Variants in PRDM5 observed in about 807,000 individuals in gnomAD.
PRDM5 encodes PR/SET domain 5.
A neutral mutation model predicts 81.2 loss-of-function variants in PRDM5; 56 were observed. That is an observed-to-expected ratio of 0.69 (90% CI 0.56 to 0.86). PRDM5 has a LOEUF of 0.86. Among genes scored for constraint, PRDM5 ranks in the 40% least tolerant of loss-of-function variants. The pLI is 0.00. For missense variants in PRDM5, 697 were observed against 770.1 expected (o/e 0.91, Z 1.12); for synonymous variants, 267 against 256.4 (o/e 1.04, Z -0.39).
At chr4:120,894,903 C>G (rs186539113) in intron 2 of PRDM5, among the ~76,000 whole-genome samples, 19 of 152,242 alleles carry the variant, frequency 1.2e-4, no homozygotes, top group Admixed American at 1.2e-3. Context: ...ACCAAAATAC[C>G]CACTTAAAGC....
intron 2 of PRDM5, among the ~76,000 whole-genome samples, chr4:120,869,197 C>G (rs1761527372): frequency 6.6e-6 from 1 of 152,074 alleles, no homozygotes; most frequent in Non-Finnish European, 1.5e-5. Flanking sequence ...CAAAGTACTT[C>G]TGAGTAGTCA....
chr4:120,822,555 G>C (rs570722849), intron 3 of PRDM5, among the ~76,000 whole-genome samples: 1 of 152,254 alleles, frequency 6.6e-6, no homozygotes, highest in East Asian at 1.9e-4. Flanking sequence ...ATAGATTTAT[G>C]TATATATGTA....
chr4:120,870,287 C>G (rs1579057527), intron 2 of PRDM5, among the ~76,000 whole-genome samples: 2 of 152,188 alleles, frequency 1.3e-5, no homozygotes, highest in Non-Finnish European at 2.9e-5. Context: ...ATATTTAAGT[C>G]TTCTATTACT....
intron 3 of PRDM5, among the ~76,000 whole-genome samples, chr4:120,826,803 T>C (rs988552574): frequency 6.6e-6 from 1 of 152,130 alleles, no homozygotes. Context: ...GCAGATGCCA[T>C]TTCCTGACAG....
In PRDM5 at chr4:120,838,944, T is replaced by A. The variant is rs527949222; in HGVS notation, c.300+14474A>T. The stretch of plus-strand genomic sequence containing the variant: ...CCAATGCACAGTCAGATATGCCGGC[T>A]GCTGCAGAAGGGTGGGCAGCTCCAG... On this transcript the variant is annotated intron_variant, in intron 3 of 15. Coordinates refer to ENST00000264808, the MANE Select transcript of PRDM5 (RefSeq NM_018699.4). 577 of 484,496 alleles carry A rather than the reference T, an allele frequency of 1.2e-3. 1 individual carries two copies. The highest frequency in any genetic ancestry group is 1.8e-3 in the Non-Finnish European group (472 of 266,938). 30.0% of individuals were successfully genotyped at this position (484,496 alleles called of 1,614,324 possible). A position where few individuals can be genotyped will look rare whatever the true frequency, so the allele number is the denominator to read the frequency against.
intron 10 of PRDM5, among the ~76,000 whole-genome samples, chr4:120,789,859 T>C (rs1381455810): frequency 6.6e-6 from 1 of 152,208 alleles, no homozygotes; most frequent in African/African-American, 2.4e-5. Flanking sequence ...GCATGAAATT[T>C]AGTTGATGTT....
At chr4:120,758,370 T>C (rs1745093010) in intron 13 of PRDM5, among the ~76,000 whole-genome samples, 1 of 152,166 alleles carries the variant, frequency 6.6e-6, no homozygotes, top group African/African-American at 2.4e-5. Flanking sequence ...ACCAAATTCG[T>C]ATGTTTAAAT....
intron 15 of PRDM5, among the ~76,000 whole-genome samples, chr4:120,705,710 G>A (rs983462278): frequency 3.9e-5 from 6 of 152,124 alleles, no homozygotes; most frequent in Non-Finnish European, 7.4e-5. Context: ...TTGAGCAAAT[G>A]AATACTATAT....
chr4:120,740,644 C>T (rs531827560), intron 14 of PRDM5, among the ~76,000 whole-genome samples: 1 of 152,280 alleles, frequency 6.6e-6, no homozygotes, highest in South Asian at 2.1e-4. Flanking sequence ...CATATATGTG[C>T]CTGACTCTCA....
intron 8 of PRDM5, among the ~76,000 whole-genome samples, chr4:120,800,015 C>T (rs1422393391): frequency 2.0e-5 from 3 of 152,134 alleles, no homozygotes; most frequent in Non-Finnish European, 4.4e-5. Flanking sequence ...TAAATTTATA[C>T]TCTGTAAAAA....
intron 2 of PRDM5, among the ~76,000 whole-genome samples, chr4:120,868,843 T>C (rs1264352650): frequency 6.6e-6 from 1 of 152,104 alleles, no homozygotes; most frequent in African/African-American, 2.4e-5. Flanking sequence ...AAATGAAGCC[T>C]ATAGATAAAA....
At chr4:120,900,073 G>A (rs188686666) in intron 2 of PRDM5, among the ~76,000 whole-genome samples, 2 of 152,250 alleles carry the variant, frequency 1.3e-5, no homozygotes, top group African/African-American at 2.4e-5. Context: ...TGCCCTCTCC[G>A]GGTGCACCAC....
At chr4:120,746,682 A>G (rs1369296543) in intron 14 of PRDM5, among the ~76,000 whole-genome samples, 1 of 148,288 alleles carries the variant, frequency 6.7e-6, no homozygotes, top group East Asian at 2.0e-4. Context: ...CACATGAAAA[A>G]ATGCTCATCA....
chr4:120,881,280 C>T (rs1762818975), intron 2 of PRDM5, among the ~76,000 whole-genome samples: 1 of 152,068 alleles, frequency 6.6e-6, no homozygotes, highest in Non-Finnish European at 1.5e-5. Context: ...ATGATAAATC[C>T]TTGTAAAACT....
intron 14 of PRDM5, among the ~76,000 whole-genome samples, chr4:120,713,636 TA>T (rs1348134227): frequency 6.6e-6 from 1 of 152,236 alleles, no homozygotes; most frequent in Non-Finnish European, 1.5e-5. Flanking sequence ...TTTGTATGTT[TA>T]AAACTAAAGT....
rs751789550 is a variant in PRDM5, at chr4:120,821,286, C to A, written c.360G>T (p.Leu120=). 4 of 1,613,952 alleles carry A rather than the reference C, an allele frequency of 2.5e-6. No homozygotes were observed. The African/African-American group carries it at 4.0e-5, about 16-fold the overall frequency. The change falls in exon 4 of 16, where the codon CTG becomes CTT. Residue 120 remains leucine (L), a synonymous_variant. Coordinates refer to ENST00000264808, the MANE Select transcript of PRDM5 (RefSeq NM_018699.4). ...VEDIETDTEL[L]IGYLDSDMEA... ...CCATGTCACTATCCAGGTAGCCAATCAGAAGCTCCGTGTCTGTTTCTATAT... is the reference window on the plus strand; with the variant it reads ...CCATGTCACTATCCAGGTAGCCAATAAGAAGCTCCGTGTCTGTTTCTATAT...
intron 15 of PRDM5, among the ~76,000 whole-genome samples, chr4:120,702,208 T>C (rs1288082597): frequency 6.6e-6 from 1 of 152,214 alleles, no homozygotes; most frequent in Non-Finnish European, 1.5e-5. Flanking sequence ...ACAGTTGAAA[T>C]GACTTTTTGA....
intron 3 of PRDM5, among the ~76,000 whole-genome samples, chr4:120,823,141 GA>G (rs1433906516): frequency 6.6e-6 from 1 of 152,032 alleles, no homozygotes; most frequent in Non-Finnish European, 1.5e-5. Context: ...GTGTTTATCT[GA>G]TCAATATCCA....
At chr4:120,706,236 C>T (rs561402945) in intron 15 of PRDM5, among the ~76,000 whole-genome samples, 85 of 152,222 alleles carry the variant, frequency 5.6e-4, no homozygotes, top group Middle Eastern at 3.4e-3. Flanking sequence ...CAGTGAACCT[C>T]GACTTCTTCA....
Sources: gnomAD v4.1 joint callset for allele counts (sites outside exome capture counted in the v4.1 genomes callset) on GRCh38, gnomAD v4.1.1 for gene constraint, MANE v1.5 for transcripts, NCBI Gene and HGNC (gene_info 2026-07-23, HGNC 2026-07-21) for gene names.